Variants in CRYL1 observed in about 807,000 individuals in gnomAD.
The protein encoded by CRYL1 is lambda-crystallin homolog.
CRYL1 carries 29 observed loss-of-function variants against 36.6 expected under a neutral mutation model. The observed-to-expected ratio is 0.79, with a 90% CI of 0.59 to 1.08. The LOEUF (loss-of-function observed/expected upper bound fraction) is 1.08. Ranked by LOEUF, CRYL1 falls within the 50% of genes least tolerant of loss-of-function variation. CRYL1 has a pLI of 0.00. For synonymous variants in CRYL1, 152 were observed against 151.5 expected, an observed-to-expected ratio of 1.00 and a Z score of -0.02; for missense variants, 411 against 407.9, an observed-to-expected ratio of 1.01 and a Z score of -0.06.
chr13:20,492,565 T>C (rs2033532497), intron 2 of CRYL1, among the ~76,000 whole-genome samples: 1 of 152,090 alleles, frequency 6.6e-6, no homozygotes, highest in African/African-American at 2.4e-5. Context: ...TCCCCCTCCA[T>C]AGCCAGCCAA....
chr13:20,431,376 G>T (rs956648155), intron 5 of CRYL1: 35 of 985,300 alleles, frequency 3.6e-5, no homozygotes, highest in Non-Finnish European at 3.9e-5. Context: ...ACACAGGCGT[G>T]GGCAGAGTCT....
In CRYL1 at chr13:20,413,278, A is replaced by G. The variant is rs752923028; in HGVS notation, c.739+4T>C. On this transcript the variant is annotated splice_donor_region_variant and intron_variant, in intron 6 of 7. Transcript: ENST00000298248. ...GAATTCCCATCCTGGCCCCAGATGC[A>G]TACCTTCTGCATTGAGATGCATGGT... 3 of 1,589,928 alleles carry G rather than the reference A, an allele frequency of 1.9e-6. No individual in the cohort carries two copies. The highest frequency in any genetic ancestry group is 1.3e-5 in the African/African-American group (1 of 74,400).
intron 2 of CRYL1, among the ~76,000 whole-genome samples, chr13:20,501,974 T>TA (rs1272789315): frequency 6.6e-6 from 1 of 152,212 alleles, no homozygotes; most frequent in Non-Finnish European, 1.5e-5. Context: ...GGCACGGTGA[T>TA]AGTGTGTGGA....
chr13:20,506,104 A>G (rs1267088053), intron 2 of CRYL1, among the ~76,000 whole-genome samples: 1 of 152,212 alleles, frequency 6.6e-6, no homozygotes, highest in African/African-American at 2.4e-5. Flanking sequence ...AAGACTAAGA[A>G]TCCAGTACTT....
intron 3 of CRYL1, among the ~76,000 whole-genome samples, chr13:20,478,703 C>T (rs2033212561): frequency 6.6e-6 from 1 of 152,144 alleles, no homozygotes; most frequent in African/African-American, 2.4e-5. Flanking sequence ...TCTCGAACTC[C>T]TGAGCTCAAG....
At chr13:20,518,018 C>T (rs2034033661) in intron 1 of CRYL1, among the ~76,000 whole-genome samples, 1 of 150,488 alleles carries the variant, frequency 6.6e-6, no homozygotes, top group Non-Finnish European at 1.5e-5. Context: ...GCACCAGGAA[C>T]TAGCACTCAC....
chr13:20,407,197 A>G (rs1261520563), intron 6 of CRYL1, among the ~76,000 whole-genome samples: 1 of 151,808 alleles, frequency 6.6e-6, no homozygotes, highest in Non-Finnish European at 1.5e-5. Context: ...TGTCAATCTT[A>G]CTGATATAAA....
chr13:20,439,550 A>G, intron 4 of CRYL1, 43 bp downstream of exon 4: 1 of 1,423,772 alleles, frequency 7.0e-7, no homozygotes, highest in East Asian at 2.4e-5. Context: ...AAAACACAGA[A>G]TGAGATGAGA....
intron 6 of CRYL1, among the ~76,000 whole-genome samples, chr13:20,409,031 C>T (rs981664606): frequency 6.6e-6 from 1 of 152,088 alleles, no homozygotes; most frequent in Non-Finnish European, 1.5e-5. Context: ...AAACAGAGCC[C>T]GCATCACCAA....
chr13:20,430,713 T>G (rs748481941), intron 5 of CRYL1: 94 of 985,116 alleles, frequency 9.5e-5, no homozygotes, highest in Non-Finnish European at 1.0e-4. Context: ...AAAGCAAGAG[T>G]TTACTCAGGG....
At chr13:20,505,282 G>A (rs1468971495) in intron 2 of CRYL1, among the ~76,000 whole-genome samples, 6 of 149,682 alleles carry the variant, frequency 4.0e-5, no homozygotes, top group South Asian at 4.3e-4. Flanking sequence ...GCTTGAACCC[G>A]GGAGGCAGAA....
chr13:20,519,219 G>A (rs995136034), intron 1 of CRYL1, among the ~76,000 whole-genome samples: 1 of 151,380 alleles, frequency 6.6e-6, no homozygotes, highest in African/African-American at 2.4e-5. Context: ...ACAAAAGGGA[G>A]TGCCAGTGAG....
At chr13:20,433,226 G>C (rs1282757017) in intron 4 of CRYL1, among the ~76,000 whole-genome samples, 1 of 152,144 alleles carries the variant, frequency 6.6e-6, no homozygotes, top group African/African-American at 2.4e-5. Flanking sequence ...GAGGACCCTG[G>C]ACTTCACTGT....
chr13:20,428,016 T>G (rs2031970854), intron 5 of CRYL1, among the ~76,000 whole-genome samples: 1 of 152,118 alleles, frequency 6.6e-6, no homozygotes, highest in South Asian at 2.1e-4. Flanking sequence ...AGAAATTAAA[T>G]TCATCGTTAG....
At chr13:20,495,088 G>A (rs1305300723) in intron 2 of CRYL1, among the ~76,000 whole-genome samples, 3 of 152,176 alleles carry the variant, frequency 2.0e-5, no homozygotes, top group African/African-American at 4.8e-5. Context: ...CCAGCCTTTT[G>A]GCAACATTTT....
At chr13:20,420,701 T>TTTTG in intron 5 of CRYL1, among the ~76,000 whole-genome samples, 1,423 of 21,846 alleles carry the variant, frequency 0.065, 282 homozygotes, top group African/African-American at 0.14. Context: ...AAAATAGAGG[T>TTTTG]TGTGTGTGTG....
Position 20,404,058 on chromosome 13 carries a change from C to T in CRYL1, c.*71G>A. The T allele has an allele frequency of 1.9e-6, 2 of 1,058,816 alleles. No individual in the cohort carries two copies. The highest frequency in any genetic ancestry group is 2.9e-6 in the Non-Finnish European group (2 of 687,116). The allele number at this position is 1,058,816 out of a possible 1,614,324, so 65.6% of individuals were successfully genotyped here. Reference sequence around the variant, plus strand: ...GGGCTGCTACCTATGTCACAGAGGGCTGATTAAGGGCTTGCAGTGTTCCCA... The same window carrying T: ...GGGCTGCTACCTATGTCACAGAGGGTTGATTAAGGGCTTGCAGTGTTCCCA... On this transcript the variant is annotated 3_prime_UTR_variant, in exon 8 of 8. Transcript: ENST00000298248.
chr13:20,509,681 A>G (rs941610751), intron 2 of CRYL1, among the ~76,000 whole-genome samples: 6 of 152,134 alleles, frequency 3.9e-5, no homozygotes, highest in Admixed American at 6.6e-5. Context: ...TAATCCCAGC[A>G]CTTTGGGAGG....
Position 20,487,766 on chromosome 13 carries a change from G to A in CRYL1, c.276+1604C>T, listed in dbSNP as rs189533140. On this transcript the variant is annotated intron_variant, in intron 3 of 7. Coordinates refer to ENST00000298248, the MANE Select transcript of CRYL1 (RefSeq NM_015974.3). ...TGAACTCCAGCCTGGGTGACAGAGCGAGACTCTATCTCAAAAAAAAACAAA... is the reference window on the plus strand; with the variant it reads ...TGAACTCCAGCCTGGGTGACAGAGCAAGACTCTATCTCAAAAAAAAACAAA... Among the ~76,000 whole-genome samples the A allele has an allele frequency of 6.0e-4, 90 of 150,240 alleles. 2 individuals carry two copies. In the East Asian group the frequency reaches 0.015, roughly 25 times the overall value.
Sources: gnomAD v4.1 joint callset for allele counts (sites outside exome capture counted in the v4.1 genomes callset) on GRCh38, gnomAD v4.1.1 for gene constraint, MANE v1.5 for transcripts, NCBI Gene and HGNC (gene_info 2026-07-23, HGNC 2026-07-21) for gene names.